B3GALT1: variants seen among roughly 807,000 people sequenced by gnomAD.
B3GALT1 encodes UDP-Gal:betaGlcNAc beta 1,3-galactosyltransferase, polypeptide 1.
Under a neutral mutation model 23.2 loss-of-function variants are expected in B3GALT1, and 10 were observed. That is an observed-to-expected ratio of 0.43 (90% confidence interval 0.27 to 0.73). B3GALT1 has a LOEUF of 0.73. Ranked by LOEUF, B3GALT1 falls within the 30% of genes least tolerant of loss-of-function variation. B3GALT1 has a pLI of 0.21. For missense variants in B3GALT1, 299 were observed against 405.4 expected (o/e 0.74, Z 2.25); for synonymous variants, 156 against 141.5 (o/e 1.10, Z -0.73).
rs190077333 is a variant in B3GALT1, at chr2:167,871,108, T to A, written c.*1088T>A. On this transcript the variant is annotated 3_prime_UTR_variant, in exon 5 of 5. Transcript: ENST00000392690. ...CAGCAGCAATGCTGTTATGAGGTAT[T>A]CTGGGGGCTCTGTGATTGAGGAAGG... 1 of 152,318 alleles carries A rather than the reference T, an allele frequency of 6.6e-6. No individual in the cohort carries two copies. Among genetic ancestry groups the A allele is most frequent in the Non-Finnish European group, 1.5e-5 (1 of 68,032 alleles). The allele number at this position is 152,318 out of a possible 1,614,324, so 9.4% of individuals were successfully genotyped here.
intron 2 of B3GALT1, among the ~76,000 whole-genome samples, chr2:167,560,353 G>T (rs1683951591): frequency 6.6e-6 from 1 of 152,022 alleles, no homozygotes; most frequent in Non-Finnish European, 1.5e-5. Flanking sequence ...GCAAAATCAT[G>T]CCAAAATATA....
chr2:167,610,698 A>G (rs922084502), intron 2 of B3GALT1, among the ~76,000 whole-genome samples: 1 of 152,010 alleles, frequency 6.6e-6, no homozygotes, highest in Non-Finnish European at 1.5e-5. Context: ...ACCAACCCAG[A>G]TCTGAAATCT....
chr2:167,494,707 A>G (rs1285449090), intron 2 of B3GALT1, among the ~76,000 whole-genome samples: 1 of 152,186 alleles, frequency 6.6e-6, no homozygotes, highest in Non-Finnish European at 1.5e-5. Context: ...TACGTTTTTA[A>G]TTTTAAAGTA....
intron 3 of B3GALT1, among the ~76,000 whole-genome samples, chr2:167,775,323 C>G (rs1001700004): frequency 3.3e-5 from 5 of 152,072 alleles, no homozygotes; most frequent in Non-Finnish European, 7.4e-5. Context: ...GTAATCCCAG[C>G]ACTTTGGGAG....
intron 3 of B3GALT1, among the ~76,000 whole-genome samples, chr2:167,761,141 A>G (rs1054710564): frequency 6.6e-6 from 1 of 152,222 alleles, no homozygotes; most frequent in Non-Finnish European, 1.5e-5. Flanking sequence ...GCAATCACGT[A>G]GTGATAGTTT....
intron 3 of B3GALT1, among the ~76,000 whole-genome samples, chr2:167,713,206 TTAC>T (rs1456866589): frequency 6.6e-6 from 1 of 152,190 alleles, no homozygotes; most frequent in Non-Finnish European, 1.5e-5. Flanking sequence ...ACTTATTAGC[TTAC>T]TACAAGTTCA....
At chr2:167,806,665 C>T (rs1211485841) in intron 3 of B3GALT1, among the ~76,000 whole-genome samples, 4 of 152,168 alleles carry the variant, frequency 2.6e-5, no homozygotes, top group Non-Finnish European at 5.9e-5. Flanking sequence ...AGGGATGAAA[C>T]CCACTTGATC....
intron 2 of B3GALT1, among the ~76,000 whole-genome samples, chr2:167,507,048 G>C (rs1259978381): frequency 2.0e-5 from 3 of 152,108 alleles, no homozygotes; most frequent in Non-Finnish European, 4.4e-5. Flanking sequence ...AGTGTGTTTT[G>C]TCAAGACTAA....
At chr2:167,525,372 A>G (rs1683202066) in intron 2 of B3GALT1, among the ~76,000 whole-genome samples, 1 of 152,158 alleles carries the variant, frequency 6.6e-6, no homozygotes, top group African/African-American at 2.4e-5. Flanking sequence ...AAATATTTAG[A>G]ACATTTCACA....
intron 1 of B3GALT1, among the ~76,000 whole-genome samples, chr2:167,380,436 G>A (rs1004049831): frequency 2.6e-5 from 4 of 152,122 alleles, no homozygotes; most frequent in African/African-American, 7.2e-5. Context: ...ACTTGTGATG[G>A]GGGAGAAAAC....
chr2:167,531,718 C>G (rs945884710), intron 2 of B3GALT1, among the ~76,000 whole-genome samples: 1 of 152,116 alleles, frequency 6.6e-6, no homozygotes, highest in Non-Finnish European at 1.5e-5. Context: ...TACTGAGAGT[C>G]GTGTTAACTA....
In B3GALT1 at chr2:167,833,168, T is replaced by G. The variant is rs2105382228; in HGVS notation, c.-230+14375T>G. On this transcript the variant is annotated intron_variant, in intron 4 of 4. Coordinates refer to ENST00000392690, the MANE Select transcript of B3GALT1 (RefSeq NM_020981.4). ...CACATTATGCAAATGACTGTGGCAGTTTGGCACCTAATGCAGTCTCCCTGC... is the reference window on the plus strand; with the variant it reads ...CACATTATGCAAATGACTGTGGCAGGTTGGCACCTAATGCAGTCTCCCTGC... Among the ~76,000 whole-genome samples the G allele has an allele frequency of 1.3e-5, 2 of 152,314 alleles. 1 individual carries two copies.
chr2:167,621,723 C>T (rs368911064), intron 2 of B3GALT1, among the ~76,000 whole-genome samples: 85 of 152,070 alleles, frequency 5.6e-4, no homozygotes, highest in African/African-American at 1.8e-3. Flanking sequence ...CTGCTGTTCT[C>T]GTGATAGTGA....
intron 3 of B3GALT1, among the ~76,000 whole-genome samples, chr2:167,661,073 G>A (rs567362123): frequency 7.5e-4 from 114 of 152,078 alleles, no homozygotes; most frequent in Non-Finnish European, 1.5e-3. Flanking sequence ...GATTTTCTTC[G>A]TTGTGCAACG....
intron 2 of B3GALT1, among the ~76,000 whole-genome samples, chr2:167,518,351 G>A (rs750993754): frequency 5.3e-5 from 8 of 151,988 alleles, no homozygotes; most frequent in Non-Finnish European, 1.0e-4. Context: ...TCTGGCAAAA[G>A]GCTCACAATA....
intron 2 of B3GALT1, among the ~76,000 whole-genome samples, chr2:167,539,779 C>T (rs555806215): frequency 1.3e-5 from 2 of 151,898 alleles, no homozygotes; most frequent in South Asian, 4.2e-4. Flanking sequence ...ATTTGGTATC[C>T]ACAAAATATT....
At chr2:167,859,515 C>T (rs1221071727) in intron 4 of B3GALT1, among the ~76,000 whole-genome samples, 1 of 152,118 alleles carries the variant, frequency 6.6e-6, no homozygotes, top group Non-Finnish European at 1.5e-5. Flanking sequence ...CATCCTCATC[C>T]CAACCACTCC....
At chr2:167,422,809 C>T (rs113279260) in intron 1 of B3GALT1, among the ~76,000 whole-genome samples, 1 of 152,156 alleles carries the variant, frequency 6.6e-6, no homozygotes, top group East Asian at 1.9e-4. Context: ...TATGTGGACT[C>T]CACAGAAGGG....
intron 1 of B3GALT1, among the ~76,000 whole-genome samples, chr2:167,296,117 A>C (rs1431369796): frequency 1.3e-5 from 2 of 152,176 alleles, no homozygotes; most frequent in African/African-American, 2.4e-5. Flanking sequence ...ATTCTAGATG[A>C]ATTTTAGTAA....
Sources: gnomAD v4.1 joint callset for allele counts (sites outside exome capture counted in the v4.1 genomes callset) on GRCh38, gnomAD v4.1.1 for gene constraint, MANE v1.5 for transcripts, NCBI Gene and HGNC (gene_info 2026-07-23, HGNC 2026-07-21) for gene names.